ZNF532: variants seen among roughly 807,000 people sequenced by gnomAD.
The protein encoded by ZNF532 is zinc finger protein 532.
Under a neutral mutation model 89.3 loss-of-function variants are expected in ZNF532, and 22 were observed. The ratio of observed to expected loss-of-function variants is 0.25; its 90% CI spans 0.18 to 0.35. The LOEUF (loss-of-function observed/expected upper bound fraction) is 0.35. Ranked by LOEUF, ZNF532 falls within the 10% of genes least tolerant of loss-of-function variation. The probability of loss-of-function intolerance (pLI) is 1.00; values close to 1 mark genes in which losing one functional copy is unlikely to be tolerated. For synonymous variants in ZNF532, 606 were observed against 649.6 expected (o/e 0.93, Z 1.02); for missense variants, 1,132 against 1,643.4 (o/e 0.69, Z 5.38).
intron 2 of ZNF532, among the ~76,000 whole-genome samples, chr18:58,895,812 T>A (rs535842577): frequency 6.6e-6 from 1 of 152,134 alleles, no homozygotes; most frequent in Admixed American, 6.6e-5. Flanking sequence ...TGCCAGACAT[T>A]AGAATACAGT....
chr18:58,931,208 A>T (rs1338378899), intron 3 of ZNF532, among the ~76,000 whole-genome samples: 1 of 152,200 alleles, frequency 6.6e-6, no homozygotes, highest in Non-Finnish European at 1.5e-5. Flanking sequence ...TTCTATTGAA[A>T]AGGCAGTTAC....
intron 7 of ZNF532, among the ~76,000 whole-genome samples, chr18:58,955,576 A>G (rs1397845509): frequency 6.6e-6 from 1 of 152,216 alleles, no homozygotes; most frequent in Non-Finnish European, 1.5e-5. Flanking sequence ...ATTTATTTGT[A>G]CTATTTGTTT....
intron 7 of ZNF532, among the ~76,000 whole-genome samples, chr18:58,967,558 C>T (rs1298108175): frequency 4.6e-5 from 7 of 152,218 alleles, no homozygotes; most frequent in African/African-American, 1.7e-4. Context: ...TGCACCCTTC[C>T]GTGCACCTGT....
chr18:58,980,982 T>TTTTA (rs1372308888), intron 8 of ZNF532: 1 of 156,360 alleles, frequency 6.4e-6, no homozygotes, highest in Admixed American at 6.2e-5. Context: ...TTTATTAAAA[T>TTTTA]AAGTTTTTCT....
Position 58,979,145 on chromosome 18 carries a change from A to C in ZNF532, c.3241A>C (p.Ile1081Leu). The C allele has an allele frequency of 6.2e-7, 1 of 1,613,398 alleles. No homozygotes were observed. Among genetic ancestry groups the C allele is most frequent in the Non-Finnish European group, 8.5e-7 (1 of 1,179,370 alleles). Residue 1081 changes from isoleucine (I) to leucine (L), a missense_variant, in exon 8 of 10, where the codon ATC becomes CTC. This residue lies in a region of ZNF532 where 415 missense variants were observed against 604.8 expected (regional missense o/e 0.69). Transcript: ENST00000591808. Reference sequence around the variant, plus strand: ...GCACAACCGGATCAAGCACAAAGGCATCAGGAAAGTGTACGCCTGCTCGTA... The same window carrying C: ...GCACAACCGGATCAAGCACAAAGGCCTCAGGAAAGTGTACGCCTGCTCGTA... The part of the protein sequence containing the change: ...CRHNRIKHKG[I>L]RKVYACSHCP...
intron 2 of ZNF532, among the ~76,000 whole-genome samples, chr18:58,885,438 C>A (rs1468360212): frequency 6.6e-6 from 1 of 152,106 alleles, no homozygotes; most frequent in East Asian, 1.9e-4. Context: ...TACATTATGA[C>A]CTTCAAAGTT....
intron 5 of ZNF532, among the ~76,000 whole-genome samples, chr18:58,945,877 G>A (rs1262615667): frequency 7.9e-5 from 12 of 151,862 alleles, no homozygotes; most frequent in Admixed American, 3.9e-4. Flanking sequence ...ACAGGTGCAC[G>A]CCACCATGCC....
rs77179950 is a variant in ZNF532, at chr18:58,880,478, C to T, written c.-18+14899C>T. On this transcript the variant is annotated intron_variant, in intron 2 of 9. Transcript: ENST00000591808. ...TCACCCTGAAGTCTGTAACCTTTAC[C>T]GTTCTTTAATACAATTGCCAGAGTG... is the stretch of plus-strand genomic sequence containing the variant. Among the ~76,000 whole-genome samples the T allele has an allele frequency of 1.2e-3, 180 of 152,222 alleles. 4 individuals are homozygous for T. The highest frequency in any genetic ancestry group is 4.2e-3 in the African/African-American group (173 of 41,522).
intron 7 of ZNF532, among the ~76,000 whole-genome samples, chr18:58,978,274 T>C (rs1425998232): frequency 6.6e-6 from 1 of 152,210 alleles, no homozygotes; most frequent in Non-Finnish European, 1.5e-5. Context: ...CAAATGATAT[T>C]ATTTAAAACA....
intron 2 of ZNF532, among the ~76,000 whole-genome samples, chr18:58,874,877 C>T (rs1369155007): frequency 1.3e-5 from 2 of 152,098 alleles, no homozygotes; most frequent in African/African-American, 4.8e-5. Flanking sequence ...TTATATTCTG[C>T]ACACTGGGAT....
At chr18:58,981,191 T>C (rs531574364) in intron 8 of ZNF532, 4 of 389,374 alleles carry the variant, frequency 1.0e-5, no homozygotes, top group South Asian at 5.3e-5. Flanking sequence ...CTTATACTAA[T>C]GTGTTCAGCA....
At chr18:58,963,761 G>T (rs978208332) in intron 7 of ZNF532, among the ~76,000 whole-genome samples, 3 of 148,002 alleles carry the variant, frequency 2.0e-5, no homozygotes, top group Admixed American at 6.9e-5. Flanking sequence ...GCTTGAGGCT[G>T]CAGTGAGCCG....
intron 2 of ZNF532, among the ~76,000 whole-genome samples, chr18:58,879,266 T>C (rs2144865261): frequency 6.6e-6 from 1 of 152,296 alleles, no homozygotes; most frequent in Admixed American, 6.5e-5. Flanking sequence ...AATGTCATTG[T>C]GAGAAAAAAA....
At chr18:58,877,059 C>T (rs571345833) in intron 2 of ZNF532, among the ~76,000 whole-genome samples, 11 of 149,812 alleles carry the variant, frequency 7.3e-5, no homozygotes, top group East Asian at 3.9e-4. Context: ...GACCTTGTCT[C>T]GAGAAAAAAA....
chr18:58,976,633 T>G (rs1349546657), intron 7 of ZNF532, among the ~76,000 whole-genome samples: 1 of 152,018 alleles, frequency 6.6e-6, no homozygotes, highest in Non-Finnish European at 1.5e-5. Context: ...CTGCAACCAC[T>G]GCAATTCTTC....
rs1602623287 is a variant in ZNF532 at position 58,885,531 on chromosome 18, A to G, written c.-18+19952A>G. ...ATGCAAACCTACACTTATGTGGATG[A>G]ATTTTGAAAAAATTCTTTTTAGTGT... is the stretch of plus-strand genomic sequence containing the variant. On this transcript the variant is annotated intron_variant, in intron 2 of 9. Transcript: ENST00000591808. Among the ~76,000 whole-genome samples, 7 of 152,274 alleles carry G rather than the reference A, an allele frequency of 4.6e-5. 2 individuals carry two copies. Among genetic ancestry groups the G allele is most frequent in the Admixed American group, 4.6e-4 (7 of 15,294 alleles).
rs2062414092 is a variant in ZNF532, at chr18:58,935,686, C to T, written c.2528+1072C>T. 4.6e-5 allele frequency among the ~76,000 whole-genome samples: 7 copies of T among 151,544 alleles called. No homozygotes were observed. In the South Asian group the frequency reaches 1.5e-3, roughly 32 times the overall value. Reference sequence around the variant, plus strand: ...CTTTTCTCTCCATCTTATGACCTTCCTGTGCCTTTTATATTTTCACTAAGA... The same window carrying T: ...CTTTTCTCTCCATCTTATGACCTTCTTGTGCCTTTTATATTTTCACTAAGA... On this transcript the variant is annotated intron_variant, in intron 4 of 9. Coordinates refer to ENST00000591808, the MANE Select transcript of ZNF532 (RefSeq NM_001375912.1).
At chr18:58,877,863 A>G (rs1355925945) in intron 2 of ZNF532, among the ~76,000 whole-genome samples, 2 of 152,324 alleles carry the variant, frequency 1.3e-5, no homozygotes, top group Middle Eastern at 3.4e-3. Flanking sequence ...AAGTGGAACT[A>G]TGGAAGTTAG....
In ZNF532 at chr18:58,934,474, C is replaced by G. The variant is rs751540806; in HGVS notation, c.2388C>G (p.Cys796Trp). 1 of 1,614,058 alleles carries G rather than the reference C, an allele frequency of 6.2e-7. No individual in the cohort carries two copies. The highest frequency in any genetic ancestry group is 8.5e-7 in the Non-Finnish European group (1 of 1,179,948). The change falls in exon 4 of 10, where the codon TGC (cysteine) becomes TGG (tryptophan). Residue 796 changes from cysteine (C) to tryptophan (W), a missense_variant. By Grantham distance (215) the Cys-to-Trp change is radical (BLOSUM62 -2). This residue lies in a region of ZNF532 where 100 missense variants were observed against 122.0 expected (regional missense o/e 0.82). Coordinates refer to ENST00000591808, the MANE Select transcript of ZNF532 (RefSeq NM_001375912.1). ...GCCAGATGCTGCTTCCTAACCAGTGCAGTTATGCATCACACCAGAGAATCC... is the reference window on the plus strand; with the variant it reads ...GCCAGATGCTGCTTCCTAACCAGTGGAGTTATGCATCACACCAGAGAATCC... ...TICQMLLPNQ[C>W]SYASHQRIHQ...
Sources: gnomAD v4.1 joint callset for allele counts (sites outside exome capture counted in the v4.1 genomes callset) on GRCh38, gnomAD v4.1.1 for gene constraint, gnomAD v4.1.1 regional missense constraint, MANE v1.5 for transcripts, NCBI Gene and HGNC (gene_info 2026-07-23, HGNC 2026-07-21) for gene names.